Variants in PLXNA3 observed in about 807,000 individuals in gnomAD.
The protein encoded by PLXNA3 is plexin A3.
A neutral mutation model predicts 118.8 loss-of-function variants in PLXNA3; 52 were observed. The ratio of observed to expected loss-of-function variants is 0.44; its 90% CI spans 0.35 to 0.55. PLXNA3 has a LOEUF of 0.55. PLXNA3 is among the 20% of genes least tolerant of loss of function. PLXNA3 has a pLI of 0.01. For missense variants in PLXNA3, 1,660 were observed against 1,730.8 expected (o/e 0.96, Z 0.73); for synonymous variants, 925 against 762.4 (o/e 1.21, Z -3.51).
rs1297686048 is a variant in PLXNA3, at chrX:154,460,448, C to T, written c.265C>T (p.Arg89Cys). ...CCCCAGCATGCGCGTGTGTGCCCAC[C>T]GCCTGGCCCCCGTGGACAACATCAA... ...PPPSMRVCAH[R>C]LAPVDNINKL... The change falls in exon 2 of 33, where the codon CGC becomes TGC. Residue 89 changes from arginine to cysteine, a missense_variant. Arg to Cys is a radical substitution (Grantham distance 180). Coordinates refer to ENST00000369682, the MANE Select transcript of PLXNA3 (RefSeq NM_017514.5). 43 of 1,202,148 alleles carry T rather than the reference C, an allele frequency of 3.6e-5. No individual in the cohort carries two copies. Among genetic ancestry groups the T allele is most frequent in the Non-Finnish European group, 3.8e-5 (34 of 889,912 alleles).
At chrX:154,471,424 C>A in intron 31 of PLXNA3, 64 bp from the exon 32 acceptor site, 1 of 1,154,654 alleles carries the variant, frequency 8.7e-7, no homozygotes, top group South Asian at 1.9e-5. Context: ...GCTGGCTGGG[C>A]AGTGAGGGCA....
intron 30 of PLXNA3, 69 bp from the exon 31 acceptor site, chrX:154,471,036 G>A: frequency 1.1e-6 from 1 of 882,863 alleles, no homozygotes; most frequent in South Asian, 2.1e-5. Flanking sequence ...GGAAAGAGAT[G>A]TGCACATGGG....
At chrX:154,463,834 G>C in intron 6 of PLXNA3, 117 bp from the exon 7 acceptor site, 1 of 1,026,531 alleles carries the variant, frequency 9.7e-7, no homozygotes, top group Non-Finnish European at 1.3e-6. Context: ...CCCGAGTGAC[G>C]TCCCTCGGGC....
rs1436170123 is a variant in PLXNA3, at chrX:154,460,534, G to A, written c.351G>A (p.Gln117=). The A allele has an allele frequency of 8.3e-7, 1 of 1,209,241 alleles. No homozygotes were observed. The highest frequency in any genetic ancestry group is 1.1e-6 in the Non-Finnish European group (1 of 894,653). The change falls in exon 2 of 33, where the codon CAG becomes CAA. Residue 117 remains glutamine (Q), a synonymous_variant. Transcript: ENST00000369682. ...TGGTGGCCTGCGGCAGCATCTGGCA[G>A]GGCATCTGCCAGTTCCTGCGTCTGG... is the stretch of plus-strand genomic sequence containing the variant. ...RRLVACGSIW[Q]GICQFLRLDD... is the part of the protein sequence containing the mutation.
At position 154,474,960 on chromosome X, in the gene PLXNA3, GTTTTTTT is replaced by G. The variant is rs1178704667; in HGVS notation, c.*2283_*2289del. 3.4e-5 allele frequency: 3 copies of G among 87,721 alleles called. No homozygotes were observed. In the East Asian group the frequency reaches 1.1e-3, roughly 31 times the overall value. The allele number at this position is 87,721 out of a possible 1,213,427, so 7.2% of individuals were successfully genotyped here. A position where few individuals can be genotyped will look rare whatever the true frequency, so the allele number is the denominator to read the frequency against. On this transcript the variant is annotated 3_prime_UTR_variant, in exon 33 of 33. Coordinates refer to ENST00000369682, the MANE Select transcript of PLXNA3 (RefSeq NM_017514.5). The stretch of plus-strand genomic sequence containing the variant: ...TTGCCACCATACCCAGCTGTTTTTT[GTTTTTTT>G]TTTTTTTCTTTAGTAGAGATGGAGT...
At chrX:154,463,249 G>T (rs781810657) in intron 4 of PLXNA3, 142 bp from the exon 5 acceptor site, 4 of 795,635 alleles carry the variant, frequency 5.0e-6, no homozygotes, top group Non-Finnish European at 5.6e-6. Context: ...CCTTTTTTTG[G>T]CCTCCGGGCT....
chrX:154,462,328 G>C lies in PLXNA3; in HGVS notation c.1317+18G>C. On this transcript the variant is annotated intron_variant, in intron 4 of 32. Coordinates refer to ENST00000369682, the MANE Select transcript of PLXNA3 (RefSeq NM_017514.5). ...TGAAGAAGGTGGCCCCCAGAGCCCT[G>C]GGCATGTGGGGGTGGGGACAGTCTC... The C allele has an allele frequency of 9.1e-7, 1 of 1,102,291 alleles. No individual in the cohort carries two copies. Among genetic ancestry groups the C allele is most frequent in the Non-Finnish European group, 1.2e-6 (1 of 833,369 alleles). The allele number at this position is 1,102,291 out of a possible 1,213,427, so 90.8% of individuals were successfully genotyped here.
At position 154,460,224 on chromosome X, in the gene PLXNA3, T is replaced by TGG. The variant is rs782247826; in HGVS notation, c.48_49dup (p.Ala17GlyfsTer13). 8.3e-7 allele frequency: 1 copy of TGG among 1,198,973 alleles called. No homozygotes were observed. On this transcript the variant is annotated frameshift_variant, in exon 2 of 33. Coordinates refer to ENST00000369682, the MANE Select transcript of PLXNA3 (RefSeq NM_017514.5). LOFTEE classifies it high-confidence loss of function. Reference sequence around the variant, plus strand: ...CTCCTCCTGCTGCTCTTCCTTGCCGTGGGGGGGGCCCTGGGCAACAGGCCC... The same window carrying TGG: ...CTCCTCCTGCTGCTCTTCCTTGCCGTGGGGGGGGGGCCCTGGGCAACAGGCCC...
chrX:154,463,929 G>A (rs1557205829), intron 6 of PLXNA3, 22 bp from the exon 7 acceptor site: 1 of 1,157,219 alleles, frequency 8.6e-7, no homozygotes, highest in East Asian at 3.3e-5. Context: ...GGCGGGACCG[G>A]CTCTGGCCCG....
Position 154,463,584 on chromosome X carries a change from C to T in PLXNA3, c.1447-6C>T. 2 of 1,189,770 alleles carry T rather than the reference C, an allele frequency of 1.7e-6. No homozygotes were observed. The highest frequency in any genetic ancestry group is 1.8e-5 in the South Asian group (1 of 54,509). ...GTGGGCTGGGTGCTGATGTGGCTGT[C>T]CCCAGGTGAGCCAGCTCCCGGTGGA... On this transcript the variant is annotated splice_region_variant and splice_polypyrimidine_tract_variant and intron_variant, in intron 5 of 32. Coordinates refer to ENST00000369682, the MANE Select transcript of PLXNA3 (RefSeq NM_017514.5).
chrX:154,472,625 G>A lies in PLXNA3; in HGVS notation c.5556G>A (p.Arg1852=). Residue 1852 remains arginine (R), a synonymous_variant, in exon 33 of 33, where the codon CGG becomes CGA. Transcript: ENST00000369682. The stretch of plus-strand genomic sequence containing the variant: ...CTCTGGACCGAGATGCCTCTTGTCG[G>A]AAGCATAAGTTGCGGCAGAAACTGG... The part of the protein sequence containing the change: ...LTALDRDASC[R]KHKLRQKLEQ... 1 of 1,209,784 alleles carries A rather than the reference G, an allele frequency of 8.3e-7. No individual in the cohort carries two copies. The highest frequency in any genetic ancestry group is 1.8e-5 in the South Asian group (1 of 56,931).
In PLXNA3 at chrX:154,471,106, C is replaced by G; in HGVS notation, c.5158C>G (p.Leu1720Val). The G allele has an allele frequency of 8.3e-7, 1 of 1,209,938 alleles. No homozygotes were observed. Among genetic ancestry groups the G allele is most frequent in the Non-Finnish European group, 1.1e-6 (1 of 894,330 alleles). ...CGCACGTCCCTCTGTTGTCCACAGCCTGCCGCTGCGCTTCTGGGTGAATGT... is the reference window on the plus strand; with the variant it reads ...CGCACGTCCCTCTGTTGTCCACAGCGTGCCGCTGCGCTTCTGGGTGAATGT... ...DVRHTWKSNC[L>V]PLRFWVNVIK... Residue 1720 changes from leucine (L) to valine (V), a missense_variant and splice_region_variant, in exon 31 of 33, where the codon CTG (leucine) becomes GTG (valine). Around this residue, in one of 2 missense-constraint regions of PLXNA3, gnomAD observed 869 missense variants for 1,078.7 expected, o/e 0.81. Coordinates refer to ENST00000369682, the MANE Select transcript of PLXNA3 (RefSeq NM_017514.5).
At chrX:154,464,353 G>A in intron 8 of PLXNA3, 40 bp downstream of exon 8, 1 of 1,201,748 alleles carries the variant, frequency 8.3e-7, no homozygotes, top group East Asian at 3.0e-5. Context: ...GCAGAGTGGG[G>A]CCTCTCCCTA....
At position 154,477,698 on chromosome X, in the gene PLXNA3, G is replaced by T; in HGVS notation, c.*5013G>T. On this transcript the variant is annotated 3_prime_UTR_variant, in exon 33 of 33. Coordinates refer to ENST00000369682, the MANE Select transcript of PLXNA3 (RefSeq NM_017514.5). ...GTACTCCTTGAATATCTGAATTCTA[G>T]AACCCCCCCCCCAGCAACCCAAGCA... 8.2e-6 allele frequency: 2 copies of T among 242,708 alleles called. No individual in the cohort carries two copies. Among genetic ancestry groups the T allele is most frequent in the Non-Finnish European group, 1.5e-5 (2 of 137,792 alleles). 20.0% of individuals were successfully genotyped at this position (242,708 alleles called of 1,213,427 possible). A position where few individuals can be genotyped will look rare whatever the true frequency, so the allele number is the denominator to read the frequency against.
In PLXNA3 at chrX:154,465,235, T is replaced by C; in HGVS notation, c.2244+17T>C. On this transcript the variant is annotated intron_variant, in intron 11 of 32. Coordinates refer to ENST00000369682, the MANE Select transcript of PLXNA3 (RefSeq NM_017514.5). ...AACGCCTCGGTGAGGTCCCACCCGC[T>C]GCCTCCCTTCGGGGTCTGGGCTGTG... 1 of 1,190,803 alleles carries C rather than the reference T, an allele frequency of 8.4e-7. No homozygotes were observed. Among genetic ancestry groups the C allele is most frequent in the Non-Finnish European group, 1.1e-6 (1 of 880,665 alleles).
At position 154,463,635 on chromosome X, in the gene PLXNA3, G is replaced by T; in HGVS notation, c.1492G>T (p.Ala498Ser). Residue 498 changes from alanine to serine, a missense_variant, in exon 6 of 33, where the codon GCA (alanine) becomes TCA (serine). By Grantham distance (99) the Ala-to-Ser change is moderately conservative. Coordinates refer to ENST00000369682, the MANE Select transcript of PLXNA3 (RefSeq NM_017514.5). ...GACCTGTGAGCAGTACCAGAGCTGC[G>T]CAGCCTGCCTGGGCTCCGGGGACCC... is the stretch of plus-strand genomic sequence containing the variant. ...VETCEQYQSC[A>S]ACLGSGDPHC... 1 of 1,205,265 alleles carries T rather than the reference G, an allele frequency of 8.3e-7. No individual in the cohort carries two copies. The highest frequency in any genetic ancestry group is 1.1e-6 in the Non-Finnish European group (1 of 893,599).
Position 154,460,396 on chromosome X carries a change from C to G in PLXNA3, c.213C>G (p.Val71=), listed in dbSNP as rs138811959. 5.8e-6 allele frequency: 7 copies of G among 1,206,334 alleles called. No homozygotes were observed. Among genetic ancestry groups the G allele is most frequent in the Non-Finnish European group, 6.7e-6 (6 of 892,326 alleles). The change falls in exon 2 of 33, where the codon GTC becomes GTG. Residue 71 remains valine, a synonymous_variant. Coordinates refer to ENST00000369682, the MANE Select transcript of PLXNA3 (RefSeq NM_017514.5). ...TELRAHVTGP[V]EDNARCYPPP... ...TGCGGGCCCATGTCACGGGGCCCGT[C>G]GAGGACAACGCTCGCTGCTACCCGC...
rs376950963 is a variant in PLXNA3, at chrX:154,461,084, C to A, written c.595-15C>A. ...AGGGCCTCACCGGATGCTGTCTCCT[C>A]CCCCTGCTCCCCAGGTGTACCAGGA... On this transcript the variant is annotated splice_polypyrimidine_tract_variant and intron_variant, in intron 2 of 32. Transcript: ENST00000369682. The A allele has an allele frequency of 1.3e-5, 15 of 1,177,775 alleles. No homozygotes were observed. Among genetic ancestry groups the A allele is most frequent in the East Asian group, 1.2e-4 (4 of 33,443 alleles).
At chrX:154,459,853 C>T (rs2068907138) in intron 1 of PLXNA3, among the ~76,000 whole-genome samples, 1 of 113,310 alleles carries the variant, frequency 8.8e-6, no homozygotes, top group Non-Finnish European at 1.9e-5. Context: ...CTGTTCTTTG[C>T]TGTTGGTTGC....
Sources: gnomAD v4.1 joint callset for allele counts (sites outside exome capture counted in the v4.1 genomes callset) on GRCh38, gnomAD v4.1.1 for gene constraint, gnomAD v4.1.1 regional missense constraint, MANE v1.5 for transcripts, NCBI Gene and HGNC (gene_info 2026-07-23, HGNC 2026-07-21) for gene names.